Variants in NRG1 observed in about 807,000 individuals in gnomAD.
NRG1 encodes the protein pro-neuregulin-1, membrane-bound isoform.
NRG1 carries 18 observed loss-of-function variants against 63.8 expected under a neutral mutation model. The ratio of observed to expected loss-of-function variants is 0.28; its 90% CI spans 0.19 to 0.42. The LOEUF (loss-of-function observed/expected upper bound fraction) is 0.42. Ranked by LOEUF, NRG1 falls within the 10% of genes least tolerant of loss-of-function variation. The probability of loss-of-function intolerance (pLI) is 1.00; values close to 1 mark genes in which losing one functional copy is unlikely to be tolerated. For missense variants in NRG1, 762 were observed against 814.7 expected, an observed-to-expected ratio of 0.94 and a Z score of 0.79; for synonymous variants, 302 against 301.3, an observed-to-expected ratio of 1.00 and a Z score of -0.02.
intron 5 of NRG1, among the ~76,000 whole-genome samples, chr8:32,694,331 T>C (rs965491893): frequency 2.6e-5 from 4 of 152,232 alleles, no homozygotes; most frequent in Non-Finnish European, 5.9e-5. Flanking sequence ...TTCCCATAGA[T>C]AAGTGTTCCA....
chr8:31,957,403 C>G (rs1261991325), intron 1 of NRG1, among the ~76,000 whole-genome samples: 1 of 152,092 alleles, frequency 6.6e-6, no homozygotes, highest in Non-Finnish European at 1.5e-5. Flanking sequence ...CATTCTCTTT[C>G]TTTCTATTTT....
chr8:31,737,354 T>C (rs1310892731), intron 1 of NRG1, among the ~76,000 whole-genome samples: 1 of 152,106 alleles, frequency 6.6e-6, no homozygotes, highest in Non-Finnish European at 1.5e-5. Context: ...AATTATTATG[T>C]TGTAATTTCT....
At chr8:32,405,795 T>G (rs918881641) in intron 1 of NRG1, among the ~76,000 whole-genome samples, 7 of 144,892 alleles carry the variant, frequency 4.8e-5, no homozygotes, top group African/African-American at 1.5e-4. Context: ...TTGAATTTAG[T>G]GATATTTAAG....
intron 1 of NRG1, among the ~76,000 whole-genome samples, chr8:32,199,140 T>G (rs1843247074): frequency 6.6e-6 from 1 of 152,164 alleles, no homozygotes; most frequent in South Asian, 2.1e-4. Context: ...AATTTCCTGT[T>G]TATTCTAATG....
At chr8:31,677,250 G>A (rs1450809159) in intron 1 of NRG1, among the ~76,000 whole-genome samples, 1 of 152,054 alleles carries the variant, frequency 6.6e-6, no homozygotes, top group East Asian at 1.9e-4. Context: ...TTAAGAATGT[G>A]TCTTAAGACA....
chr8:32,205,791 GA>G (rs965554719), intron 1 of NRG1, among the ~76,000 whole-genome samples: 1 of 151,992 alleles, frequency 6.6e-6, no homozygotes, highest in Non-Finnish European at 1.5e-5. Flanking sequence ...CTTTGAGAAA[GA>G]AACAAAAATA....
At chr8:31,745,110 G>A (rs145739801) in intron 1 of NRG1, among the ~76,000 whole-genome samples, 31 of 152,098 alleles carry the variant, frequency 2.0e-4, no homozygotes, top group African/African-American at 7.5e-4. Context: ...AAATGAGGAA[G>A]AAAATTTTAC....
chr8:31,813,547 G>T, intron 1 of NRG1, among the ~76,000 whole-genome samples: 1 of 46,964 alleles, frequency 2.1e-5, no homozygotes. Flanking sequence ...TTTTGAGACA[G>T]GTCTCCCTCT....
intron 1 of NRG1, among the ~76,000 whole-genome samples, chr8:32,280,680 G>GTTTTTTTTTTTTTTTTTTT (rs1235833561): frequency 1.9e-5 from 1 of 53,722 alleles, no homozygotes; most frequent in East Asian, 8.5e-4. Context: ...ACTGAATTAG[G>GTTTTTTTTTTTTTTTTTTT]TTTTTTTTTT....
At chr8:32,096,729 C>T (rs1049552886) in intron 1 of NRG1, among the ~76,000 whole-genome samples, 1 of 152,120 alleles carries the variant, frequency 6.6e-6, no homozygotes, top group African/African-American at 2.4e-5. Context: ...CTCTTAGTTT[C>T]TGCAAGAGGA....
chr8:32,707,107 C>T (rs1816624944), intron 5 of NRG1, among the ~76,000 whole-genome samples: 1 of 151,882 alleles, frequency 6.6e-6, no homozygotes, highest in South Asian at 2.1e-4. Context: ...TTGTGCTGGG[C>T]TGCAGTCTTA....
intron 5 of NRG1, among the ~76,000 whole-genome samples, chr8:32,639,929 C>G (rs1266577532): frequency 6.6e-6 from 1 of 152,180 alleles, no homozygotes. Flanking sequence ...CTGCATTAAA[C>G]TACATCCATT....
intron 1 of NRG1, among the ~76,000 whole-genome samples, chr8:32,438,615 A>G (rs1384184660): frequency 1.3e-5 from 2 of 152,186 alleles, no homozygotes; most frequent in East Asian, 3.8e-4. Context: ...CCAACAAAAT[A>G]TTTTCCAAAA....
At chr8:32,202,803 C>T (rs1487184293) in intron 1 of NRG1, among the ~76,000 whole-genome samples, 2 of 151,124 alleles carry the variant, frequency 1.3e-5, no homozygotes, top group Non-Finnish European at 2.9e-5. Context: ...TGCTCTGCTG[C>T]TCTGCCACTC....
intron 1 of NRG1, among the ~76,000 whole-genome samples, chr8:31,666,696 G>A (rs1020196765): frequency 8.5e-5 from 13 of 152,066 alleles, no homozygotes; most frequent in East Asian, 1.9e-4. Flanking sequence ...TCTTTCCCAG[G>A]GAAAATAAAT....
intron 5 of NRG1, among the ~76,000 whole-genome samples, chr8:32,674,545 A>G (rs575636969): frequency 6.6e-6 from 1 of 152,336 alleles, no homozygotes; most frequent in East Asian, 1.9e-4. Flanking sequence ...CATTCAGACC[A>G]CAGGAAAGTG....
intron 1 of NRG1, among the ~76,000 whole-genome samples, chr8:32,223,992 G>C (rs1403146692): frequency 6.6e-6 from 1 of 152,146 alleles, no homozygotes. Context: ...TCTCTGCCCA[G>C]CTTTGTTTAT....
intron 1 of NRG1, among the ~76,000 whole-genome samples, chr8:31,806,992 A>G (rs1822348685): frequency 6.6e-6 from 1 of 152,268 alleles, no homozygotes; most frequent in Admixed American, 6.5e-5. Context: ...TGTGGAACAC[A>G]ACCTTGGGTC....
rs552514854 is a variant in NRG1 at position 32,416,891 on chromosome 8, G to A, written c.38-178937G>A. Among the ~76,000 whole-genome samples, 48 of 152,204 alleles carry A rather than the reference G, an allele frequency of 3.2e-4. 2 individuals are homozygous for A. Among genetic ancestry groups the A allele is most frequent in the African/African-American group, 1.1e-3 (47 of 41,538 alleles). The stretch of plus-strand genomic sequence containing the variant: ...GGTAGAGACAGGGTTTTTCCATGTT[G>A]CCCAGGCTGGTCTTGAACTCCTGAG... On this transcript the variant is annotated intron_variant, in intron 1 of 10. Transcript: ENST00000519301.
Sources: gnomAD v4.1 joint callset for allele counts (sites outside exome capture counted in the v4.1 genomes callset) on GRCh38, gnomAD v4.1.1 for gene constraint, MANE v1.5 for transcripts, NCBI Gene and HGNC (gene_info 2026-07-23, HGNC 2026-07-21) for gene names.